Variants in DOCK7 observed in about 807,000 individuals in gnomAD.
The protein encoded by DOCK7 is dedicator of cytokinesis protein 7.
DOCK7 carries 138 observed loss-of-function variants against 271.0 expected under a neutral mutation model. The observed-to-expected ratio is 0.51, with a 90% CI of 0.44 to 0.59. The LOEUF is 0.59. Ranked by LOEUF, DOCK7 falls within the 20% of genes least tolerant of loss-of-function variation. The pLI is 0.00. For missense variants in DOCK7, 2,066 were observed against 2,592.4 expected, an observed-to-expected ratio of 0.80 and a Z score of 4.41; for synonymous variants, 823 against 876.1, an observed-to-expected ratio of 0.94 and a Z score of 1.07.
chr1:62,555,674 G>A, intron 21 of DOCK7, 151 bp downstream of exon 21: 1 of 706,174 alleles, frequency 1.4e-6, no homozygotes. Flanking sequence ...TTTAACTTCA[G>A]CACCTAGCAC....
intron 18 of DOCK7, among the ~76,000 whole-genome samples, chr1:62,564,535 GGGAC>G (rs1198180831): frequency 2.0e-5 from 3 of 152,082 alleles, no homozygotes; most frequent in Non-Finnish European, 4.4e-5. Context: ...CAGAATCTCT[GGGAC>G]ACATTTAAAG....
chr1:62,469,570 CAATT>C (rs1464069821), intron 48 of DOCK7, among the ~76,000 whole-genome samples: 4 of 152,076 alleles, frequency 2.6e-5, no homozygotes, highest in Non-Finnish European at 5.9e-5. Context: ...AGGCAGGACT[CAATT>C]AAACTAAAGA....
intron 28 of DOCK7, among the ~76,000 whole-genome samples, chr1:62,535,898 T>C (rs1279455662): frequency 6.6e-6 from 1 of 152,194 alleles, no homozygotes; most frequent in Non-Finnish European, 1.5e-5. Context: ...CCTACATATT[T>C]TCCCCTTTAT....
chr1:62,577,341 C>T lies in DOCK7; in HGVS notation c.2033G>A (p.Gly678Glu), dbSNP rs1254200435. 4 of 1,585,498 alleles carry T rather than the reference C, an allele frequency of 2.5e-6. No individual in the cohort carries two copies. The highest frequency in any genetic ancestry group is 3.4e-6 in the Non-Finnish European group (4 of 1,162,754). The change falls in exon 18 of 50, where the codon GGA becomes GAA. Residue 678 changes from glycine (G) to glutamate (E), a missense_variant. Gly to Glu is a moderately conservative substitution (Grantham distance 98, BLOSUM62 -2). This residue lies in a region of DOCK7 where 1,414 missense variants were observed against 1,670.4 expected (regional missense o/e 0.85). Coordinates refer to ENST00000635253, the MANE Select transcript of DOCK7 (RefSeq NM_001367561.1). ...GCAAAACTGGCCAGTCTTCAACCGT[C>T]CATTCTGAAGCATTGGTATCCACTT... ...GYTWIPMLQN[G>E]RLKTGQFCLP...
At chr1:62,584,941 T>C (rs780503308) in intron 15 of DOCK7, 6 of 678,484 alleles carry the variant, frequency 8.8e-6, no homozygotes, top group Non-Finnish European at 1.6e-5. Context: ...CAATAAAAAA[T>C]AGATTATTCT....
Position 62,686,157 on chromosome 1 carries a change from C to CT in DOCK7, c.38+2069dup, listed in dbSNP as rs1161312915. On this transcript the variant is annotated intron_variant, in intron 1 of 49. Transcript: ENST00000635253. The stretch of plus-strand genomic sequence containing the variant: ...ACTAGGAATACATGTCAAGTAATAA[C>CT]TTTTTTTTTTTTTTTTTTTTTTTTT... Among the ~76,000 whole-genome samples the CT allele has an allele frequency of 4.3e-3, 18 of 4,210 alleles. 7 individuals are homozygous for CT. The highest frequency in any genetic ancestry group is 4.5e-3 in the African/African-American group (18 of 3,986). The allele number at this position is 4,210 out of a possible 152,430, so 2.8% of individuals were successfully genotyped here.
chr1:62,627,125 G>A (rs572661944), intron 11 of DOCK7, among the ~76,000 whole-genome samples: 81 of 152,122 alleles, frequency 5.3e-4, no homozygotes, highest in African/African-American at 1.9e-3. Flanking sequence ...CACATTAAAA[G>A]GATACAGGAC....
intron 15 of DOCK7, among the ~76,000 whole-genome samples, chr1:62,585,257 G>GT (rs1231486117): frequency 2.6e-5 from 4 of 152,276 alleles, no homozygotes; most frequent in Middle Eastern, 6.8e-3. Flanking sequence ...AAATGTTGAT[G>GT]TAACTGAGGC....
In DOCK7 at chr1:62,590,712, A is replaced by G. The variant is rs185675087; in HGVS notation, c.1683-4088T>C. 2.6e-3 allele frequency among the ~76,000 whole-genome samples: 389 copies of G among 152,314 alleles called. 3 individuals carry two copies. The highest frequency in any genetic ancestry group is 8.6e-3 in the African/African-American group (357 of 41,564). On this transcript the variant is annotated intron_variant, in intron 14 of 49. Coordinates refer to ENST00000635253, the MANE Select transcript of DOCK7 (RefSeq NM_001367561.1). The stretch of plus-strand genomic sequence containing the variant: ...ACAGACACTTCTGAAAAGAAGACAC[A>G]CATGCAGCCAACAAGCATATGAAAA...
At chr1:62,587,179 T>A (rs1295108264) in intron 14 of DOCK7, among the ~76,000 whole-genome samples, 2 of 151,448 alleles carry the variant, frequency 1.3e-5, no homozygotes, top group East Asian at 1.9e-4. Flanking sequence ...AACAATAACA[T>A]CCTAATTTGC....
intron 14 of DOCK7, among the ~76,000 whole-genome samples, chr1:62,602,086 A>C (rs1348369479): frequency 6.6e-6 from 1 of 151,672 alleles, no homozygotes; most frequent in Non-Finnish European, 1.5e-5. Context: ...GACTATTATC[A>C]ATAAGTTTAC....
At chr1:62,546,178 C>A (rs1318525989) in intron 22 of DOCK7, among the ~76,000 whole-genome samples, 1 of 152,098 alleles carries the variant, frequency 6.6e-6, no homozygotes, top group Non-Finnish European at 1.5e-5. Context: ...AGCTTAACAA[C>A]AACAGTAACT....
At chr1:62,540,042 T>C (rs1645476422) in intron 25 of DOCK7, 150 bp from the exon 26 acceptor site, 1 of 522,598 alleles carries the variant, frequency 1.9e-6, no homozygotes, top group African/African-American at 2.0e-5. Flanking sequence ...TAAAGTTCCC[T>C]ACAATGTTTT....
At chr1:62,597,131 CTAAAG>C (rs1317512626) in intron 14 of DOCK7, among the ~76,000 whole-genome samples, 2 of 152,062 alleles carry the variant, frequency 1.3e-5, no homozygotes, top group African/African-American at 4.8e-5. Flanking sequence ...TCCAAAAGAA[CTAAAG>C]TACAGTTTGA....
chr1:62,493,235 A>C (rs1646516659), intron 40 of DOCK7, among the ~76,000 whole-genome samples: 1 of 152,214 alleles, frequency 6.6e-6, no homozygotes, highest in African/African-American at 2.4e-5. Context: ...TCTAATGTAC[A>C]CGGAGTTAAT....
In DOCK7 at chr1:62,495,670, C is replaced by T. The variant is rs998041553; in HGVS notation, c.4935G>A (p.Leu1645=). 1 of 1,582,972 alleles carries T rather than the reference C, an allele frequency of 6.3e-7. No homozygotes were observed. ...ETTFPDQVQD[L]VFNLHMILSD... ...AAAGAATCATATGGAGATTGAAAAC[C>T]AGATCCTGGACCTGCAGCAGAGAAT... The change falls in exon 39 of 50, where the codon CTG becomes CTA. Residue 1645 remains leucine, a synonymous_variant. Transcript: ENST00000635253.
At position 62,552,876 on chromosome 1, in the gene DOCK7, C is replaced by T. The variant is rs746849166; in HGVS notation, c.2622G>A (p.Val874=). 1 of 1,612,128 alleles carries T rather than the reference C, an allele frequency of 6.2e-7. No homozygotes were observed. Among genetic ancestry groups the T allele is most frequent in the East Asian group, 2.2e-5 (1 of 44,812 alleles). ...SPGPGGLGGS[V]HYATMARSAV... ...CAGATCTAGCCATTGTGGCATAATG[C>T]ACTGATCCTCCCAAACCCCCAGGAC... Residue 874 remains valine, a synonymous_variant, in exon 22 of 50, where the codon GTG becomes GTA. Transcript: ENST00000635253.
chr1:62,682,194 A>G (rs1436238328), intron 1 of DOCK7, among the ~76,000 whole-genome samples: 1 of 152,224 alleles, frequency 6.6e-6, no homozygotes, highest in Non-Finnish European at 1.5e-5. Flanking sequence ...AGTTAACCTT[A>G]AAATCCAAGC....
chr1:62,682,521 G>A (rs1207695290), intron 1 of DOCK7, among the ~76,000 whole-genome samples: 1 of 152,100 alleles, frequency 6.6e-6, no homozygotes, highest in African/African-American at 2.4e-5. Context: ...CAGGGAAGGG[G>A]GTGGAGGGAC....
Sources: allele counts gnomAD v4.1 joint callset (sites outside exome capture counted in the v4.1 genomes callset), GRCh38; gene constraint gnomAD v4.1.1; regional missense constraint gnomAD v4.1.1; transcripts MANE v1.5; gene names NCBI Gene and HGNC (gene_info 2026-07-23, HGNC 2026-07-21).